The following TLL2 variants were observed in gnomAD, a reference collection of about 807,000 sequenced individuals.
TLL2 encodes the protein tolloid-like protein 2.
Under a neutral mutation model 123.0 loss-of-function variants are expected in TLL2, and 106 were observed. The observed-to-expected ratio is 0.86, with a 90% CI of 0.74 to 1.01. TLL2 has a LOEUF of 1.01. Ranked by LOEUF, TLL2 falls within the 50% of genes least tolerant of loss-of-function variation. The pLI, the probability that TLL2 is intolerant of heterozygous loss-of-function variation, is 0.00. For missense variants in TLL2, 1,332 were observed against 1,336.7 expected, an observed-to-expected ratio of 1.00 and a Z score of 0.06; for synonymous variants, 494 against 516.8, an observed-to-expected ratio of 0.96 and a Z score of 0.60.
intron 2 of TLL2, among the ~76,000 whole-genome samples, chr10:96,466,154 C>T (rs1847129790): frequency 6.6e-6 from 1 of 152,098 alleles, no homozygotes; most frequent in South Asian, 2.1e-4. Flanking sequence ...GACAGAGAAC[C>T]TGGGGAGCAG....
chr10:96,498,278 G>T (rs1847498189), intron 1 of TLL2, among the ~76,000 whole-genome samples: 1 of 152,224 alleles, frequency 6.6e-6, no homozygotes, highest in Non-Finnish European at 1.5e-5. Flanking sequence ...CATGCCAAGA[G>T]CTATTCAGAT....
chr10:96,458,414 CTG>C (rs1847037919), intron 2 of TLL2, among the ~76,000 whole-genome samples: 1 of 151,946 alleles, frequency 6.6e-6, no homozygotes, highest in Non-Finnish European at 1.5e-5. Flanking sequence ...TGGAGAAACG[CTG>C]TCTCTGCTAA....
chr10:96,382,541 T>A (rs1296210748), intron 16 of TLL2, among the ~76,000 whole-genome samples: 2 of 152,210 alleles, frequency 1.3e-5, no homozygotes, highest in African/African-American at 4.8e-5. Context: ...TCCCCCAAAG[T>A]TCATGTGTTA....
At chr10:96,487,876 A>G (rs1389694571) in intron 1 of TLL2, among the ~76,000 whole-genome samples, 2 of 152,070 alleles carry the variant, frequency 1.3e-5, no homozygotes, top group African/African-American at 4.8e-5. Context: ...ACAGGCTCCC[A>G]TGTACATTTC....
chr10:96,422,280 AAAT>A (rs1211237322), intron 6 of TLL2, among the ~76,000 whole-genome samples: 1 of 150,792 alleles, frequency 6.6e-6, no homozygotes, highest in Non-Finnish European at 1.5e-5. Context: ...TCCTTTCAGG[AAAT>A]GGAGTTAGAT....
chr10:96,460,490 C>T (rs1003111283), intron 2 of TLL2, among the ~76,000 whole-genome samples: 18 of 152,212 alleles, frequency 1.2e-4, no homozygotes, highest in East Asian at 3.9e-4. Context: ...TTGTAATGTC[C>T]GGTGTTGGAG....
At chr10:96,401,511 C>G (rs1219453196) in intron 10 of TLL2, among the ~76,000 whole-genome samples, 6 of 151,438 alleles carry the variant, frequency 4.0e-5, no homozygotes, top group Admixed American at 3.9e-4. Flanking sequence ...TCTACACACA[C>G]ACACACACAC....
intron 2 of TLL2, among the ~76,000 whole-genome samples, chr10:96,458,031 G>C (rs964156213): frequency 6.6e-6 from 1 of 152,128 alleles, no homozygotes; most frequent in Non-Finnish European, 1.5e-5. Flanking sequence ...TGGCCTATAA[G>C]AGGTGGTGGC....
At chr10:96,424,343 A>G (rs1846657226) in intron 5 of TLL2, among the ~76,000 whole-genome samples, 1 of 152,188 alleles carries the variant, frequency 6.6e-6, no homozygotes, top group Admixed American at 6.5e-5. Flanking sequence ...CAAAGGATAA[A>G]TGCTTGAGGG....
intron 2 of TLL2, among the ~76,000 whole-genome samples, chr10:96,457,728 C>T (rs1375923368): frequency 6.6e-6 from 1 of 152,108 alleles, no homozygotes; most frequent in Non-Finnish European, 1.5e-5. Context: ...CCACAGCCTC[C>T]ATGGCTGAGG....
intron 2 of TLL2, among the ~76,000 whole-genome samples, chr10:96,453,285 G>A (rs1325425630): frequency 6.6e-6 from 1 of 151,910 alleles, no homozygotes; most frequent in East Asian, 1.9e-4. Context: ...GCGAAACCCC[G>A]TCTCTACTAA....
At chr10:96,408,799 G>C in intron 9 of TLL2, among the ~76,000 whole-genome samples, 1 of 152,208 alleles carries the variant, frequency 6.6e-6, no homozygotes, top group Non-Finnish European at 1.5e-5. Flanking sequence ...AATATAAGAT[G>C]ACAGTCAAGC....
intron 16 of TLL2, among the ~76,000 whole-genome samples, chr10:96,383,851 T>G (rs574013407): frequency 6.6e-6 from 1 of 150,756 alleles, no homozygotes; most frequent in African/African-American, 2.4e-5. Flanking sequence ...CAGGCTGGTC[T>G]AGAACTCCTG....
intron 2 of TLL2, among the ~76,000 whole-genome samples, chr10:96,476,227 T>G (rs1437882060): frequency 3.2e-5 from 1 of 31,284 alleles, no homozygotes; most frequent in Admixed American, 3.4e-4. Flanking sequence ...TATATGTATA[T>G]ATATATATAT....
chr10:96,475,402 C>T (rs1401037967), intron 2 of TLL2, among the ~76,000 whole-genome samples: 1 of 152,210 alleles, frequency 6.6e-6, no homozygotes, highest in African/African-American at 2.4e-5. Flanking sequence ...AAGGAATAAC[C>T]ACCTGCACTC....
chr10:96,450,584 C>T (rs1264927120), intron 2 of TLL2, among the ~76,000 whole-genome samples: 3 of 152,184 alleles, frequency 2.0e-5, no homozygotes, highest in Admixed American at 6.5e-5. Flanking sequence ...TCACCAGGAA[C>T]GGAAGACATG....
At chr10:96,386,325 A>G in intron 14 of TLL2, 110 bp from the exon 15 acceptor site, 1 of 1,188,342 alleles carries the variant, frequency 8.4e-7, no homozygotes, top group Non-Finnish European at 1.1e-6. Flanking sequence ...TTAAAATGTT[A>G]GACAATTTGA....
In TLL2 at chr10:96,377,374, A is replaced by T. The variant is rs764875410; in HGVS notation, c.2321-555T>A. 1.4e-3 allele frequency among the ~76,000 whole-genome samples: 206 copies of T among 152,302 alleles called. 1 individual carries two copies. The highest frequency in any genetic ancestry group is 1.8e-3 in the Non-Finnish European group (121 of 68,032). On this transcript the variant is annotated intron_variant, in intron 17 of 20. Coordinates refer to ENST00000357947, the MANE Select transcript of TLL2 (RefSeq NM_012465.4). ...AAAGTGGCTTTATTTGGAGTCTACCAAGTTTGTCCTGGTTACAGTGCTATT... is the reference window on the plus strand; with the variant it reads ...AAAGTGGCTTTATTTGGAGTCTACCTAGTTTGTCCTGGTTACAGTGCTATT...
At chr10:96,376,087 G>A (rs1490361322) in intron 18 of TLL2, among the ~76,000 whole-genome samples, 4 of 152,116 alleles carry the variant, frequency 2.6e-5, no homozygotes, top group Non-Finnish European at 5.9e-5. Context: ...AATTCAAGAG[G>A]GAATTTGCAT....
Sources: gnomAD v4.1 joint callset for allele counts (sites outside exome capture counted in the v4.1 genomes callset) on GRCh38, gnomAD v4.1.1 for gene constraint, MANE v1.5 for transcripts, NCBI Gene and HGNC (gene_info 2026-07-23, HGNC 2026-07-21) for gene names.